ITSN1: variants seen among roughly 807,000 people sequenced by gnomAD.
ITSN1 encodes the protein intersectin-1.
Under a neutral mutation model 239.8 loss-of-function variants are expected in ITSN1, and 58 were observed. The ratio of observed to expected loss-of-function variants is 0.24; its 90% CI spans 0.20 to 0.30. The LOEUF (loss-of-function observed/expected upper bound fraction) is 0.30. Ranked by LOEUF, ITSN1 falls within the 10% of genes least tolerant of loss-of-function variation. The pLI is 1.00. For missense variants in ITSN1, 1,558 were observed against 2,103.3 expected, an observed-to-expected ratio of 0.74 and a Z score of 5.07; for synonymous variants, 780 against 770.8, an observed-to-expected ratio of 1.01 and a Z score of -0.20.
At chr21:33,699,791 G>A (rs1392823727) in intron 1 of ITSN1, among the ~76,000 whole-genome samples, 1 of 152,180 alleles carries the variant, frequency 6.6e-6, no homozygotes, top group African/African-American at 2.4e-5. Context: ...GACAGTGTCT[G>A]ACTGCCGCCC....
intron 10 of ITSN1, 26 bp from the exon 11 acceptor site, chr21:33,767,687 A>C (rs143379999): frequency 7.4e-7 from 1 of 1,359,578 alleles, no homozygotes; most frequent in Non-Finnish European, 1.0e-6. Context: ...GTGTGAATCT[A>C]TTTTTCTTTT....
rs964131189 is a variant in ITSN1 at position 33,865,012 on chromosome 21, C to T, written c.3891-139C>T. Reference sequence around the variant, plus strand: ...CCTAGACTCATTTCTTTCTCCATTCCTTGTCTCCCAAATAGATCCTTTAGT... The same window carrying T: ...CCTAGACTCATTTCTTTCTCCATTCTTTGTCTCCCAAATAGATCCTTTAGT... On this transcript the variant is annotated intron_variant, in intron 31 of 39. Coordinates refer to ENST00000381318, the MANE Select transcript of ITSN1 (RefSeq NM_003024.3). This position sits in a 1 kb window ranked among gnomAD's most constrained non-coding sequence, Gnocchi z 4.4. 9.6e-6 allele frequency: 7 copies of T among 728,196 alleles called. No homozygotes were observed. In the African/African-American group the frequency reaches 1.3e-4, roughly 13 times the overall value. 45.1% of individuals were successfully genotyped at this position (728,196 alleles called of 1,614,324 possible).
chr21:33,876,076 C>T (rs1461609956), intron 34 of ITSN1, among the ~76,000 whole-genome samples: 1 of 151,508 alleles, frequency 6.6e-6, no homozygotes, highest in East Asian at 1.9e-4. Flanking sequence ...CTCTTTCTCC[C>T]TTTTTCTTTC....
chr21:33,696,976 T>C (rs974523568), intron 1 of ITSN1, among the ~76,000 whole-genome samples: 2 of 152,232 alleles, frequency 1.3e-5, no homozygotes, highest in South Asian at 2.1e-4. Context: ...TCAGTTCTTA[T>C]GCTACAACAT....
At chr21:33,778,359 G>A (rs925427923) in intron 14 of ITSN1, among the ~76,000 whole-genome samples, 1 of 152,032 alleles carries the variant, frequency 6.6e-6, no homozygotes, top group African/African-American at 2.4e-5. Context: ...TGTTGAAATA[G>A]CATTTCTTCT....
At chr21:33,794,490 G>T in intron 17 of ITSN1, 22 bp downstream of exon 17, 1 of 1,599,796 alleles carries the variant, frequency 6.3e-7, no homozygotes, top group South Asian at 1.1e-5. Context: ...TTGGATTGTG[G>T]ACTCATCTGG....
chr21:33,680,969 T>C (rs1270244111), intron 1 of ITSN1, among the ~76,000 whole-genome samples: 1 of 152,242 alleles, frequency 6.6e-6, no homozygotes, highest in African/African-American at 2.4e-5. Flanking sequence ...CTCAGTAGTT[T>C]ACGACAACAA....
chr21:33,779,424 C>G (rs373323007), intron 14 of ITSN1, among the ~76,000 whole-genome samples: 65 of 152,178 alleles, frequency 4.3e-4, no homozygotes, highest in African/African-American at 1.6e-3. Context: ...GTAATTTCTT[C>G]TAATTCTTTC....
intron 2 of ITSN1, among the ~76,000 whole-genome samples, chr21:33,720,419 T>C (rs1328395292): frequency 6.6e-6 from 1 of 152,224 alleles, no homozygotes; most frequent in East Asian, 1.9e-4. Flanking sequence ...AGAATTATTT[T>C]AGTCAATTTG....
intron 5 of ITSN1, among the ~76,000 whole-genome samples, chr21:33,744,703 T>A (rs149470844): frequency 3.0e-4 from 45 of 152,268 alleles, no homozygotes; most frequent in African/African-American, 1.1e-3. Context: ...TAGGAGGATA[T>A]CAGAAATTCT....
rs2040121 is a variant in ITSN1, at chr21:33,774,273, T to C, written c.1306-456T>C. ...AAAAAGGAAATGAATGATTAGGAAGTGGGGAGTCGCAGACTTTTAAAACGA... is the reference window on the plus strand; with the variant it reads ...AAAAAGGAAATGAATGATTAGGAAGCGGGGAGTCGCAGACTTTTAAAACGA... On this transcript the variant is annotated intron_variant, in intron 12 of 39. Transcript: ENST00000381318. The C allele has an allele frequency of 5.4e-3, 839 of 155,470 alleles. 3 individuals are homozygous for C. The highest frequency in any genetic ancestry group is 9.4e-3 in the Admixed American group (148 of 15,744). 9.6% of individuals were successfully genotyped at this position (155,470 alleles called of 1,614,324 possible).
At chr21:33,703,592 C>T (rs922638127) in intron 1 of ITSN1, among the ~76,000 whole-genome samples, 1 of 152,188 alleles carries the variant, frequency 6.6e-6, no homozygotes, top group Admixed American at 6.5e-5. Flanking sequence ...TGAAAGCATG[C>T]ATTTTGTGTA....
rs776447980 is a variant in ITSN1, at chr21:33,797,353, C to A, written c.1953-26C>A. 6.2e-7 allele frequency: 1 copy of A among 1,601,014 alleles called. No homozygotes were observed. The highest frequency in any genetic ancestry group is 8.6e-7 in the Non-Finnish European group (1 of 1,169,466). ...GTGTTAACTTAGAGTTGCTTTCTTG[C>A]TGTAATCAAGCGTGTTTGTTGGCAG... On this transcript the variant is annotated intron_variant, in intron 17 of 39. Coordinates refer to ENST00000381318, the MANE Select transcript of ITSN1 (RefSeq NM_003024.3). The surrounding 1 kb of genome is among the most constrained non-coding windows in gnomAD (Gnocchi z 4.9).
intron 4 of ITSN1, among the ~76,000 whole-genome samples, chr21:33,732,658 T>C (rs1045843342): frequency 4.6e-5 from 7 of 152,206 alleles, no homozygotes; most frequent in Non-Finnish European, 8.8e-5. Context: ...TTTCTAGTTA[T>C]GTGATTGTAT....
At chr21:33,783,535 CAT>C (rs1338950983) in intron 16 of ITSN1, among the ~76,000 whole-genome samples, 1 of 151,914 alleles carries the variant, frequency 6.6e-6, no homozygotes, top group Non-Finnish European at 1.5e-5. Context: ...TATATTCATG[CAT>C]ATATGATTAT....
chr21:33,748,752 C>G (rs979350685), intron 5 of ITSN1, among the ~76,000 whole-genome samples: 1 of 151,456 alleles, frequency 6.6e-6, no homozygotes, highest in Non-Finnish European at 1.5e-5. Flanking sequence ...GTGGTTCCAG[C>G]AAGTTGGGAG....
intron 1 of ITSN1, among the ~76,000 whole-genome samples, chr21:33,714,855 A>T (rs2065047966): frequency 6.6e-6 from 1 of 152,212 alleles, no homozygotes; most frequent in East Asian, 1.9e-4. Context: ...AGCAAATCAA[A>T]CCTAGCTGTG....
intron 1 of ITSN1, among the ~76,000 whole-genome samples, chr21:33,661,110 C>G (rs958148588): frequency 2.6e-5 from 4 of 152,172 alleles, no homozygotes; most frequent in African/African-American, 9.7e-5. Context: ...TCATGAACAG[C>G]AAGTACTGTC....
intron 31 of ITSN1, among the ~76,000 whole-genome samples, chr21:33,861,675 G>A (rs1023876477): frequency 2.6e-5 from 4 of 152,180 alleles, no homozygotes; most frequent in East Asian, 1.9e-4. Flanking sequence ...GGCCGGGTGC[G>A]GTGGCTCATG....
Sources: gnomAD v4.1 joint callset for allele counts (sites outside exome capture counted in the v4.1 genomes callset) on GRCh38, gnomAD v4.1.1 for gene constraint, Gnocchi (gnomAD v3.1) non-coding constraint, MANE v1.5 for transcripts, NCBI Gene and HGNC (gene_info 2026-07-23, HGNC 2026-07-21) for gene names.